Variants in PDE4D observed in about 807,000 individuals in gnomAD.
The protein encoded by PDE4D is 3',5'-cyclic-AMP phosphodiesterase 4D.
PDE4D carries 24 observed loss-of-function variants against 87.4 expected under a neutral mutation model. That is an observed-to-expected ratio of 0.27 (90% CI 0.20 to 0.39). The LOEUF (loss-of-function observed/expected upper bound fraction) is 0.39, where lower values mean the gene tolerates loss of function less well. Among genes scored for constraint, PDE4D ranks in the 10% least tolerant of loss-of-function variants. The pLI is 1.00. For missense variants in PDE4D, 714 were observed against 1,041.0 expected (o/e 0.69, Z 4.32); for synonymous variants, 384 against 383.2 (o/e 1.00, Z -0.02).
At chr5:59,157,837 T>C (rs535877899) in intron 5 of PDE4D, among the ~76,000 whole-genome samples, 1 of 152,332 alleles carries the variant, frequency 6.6e-6, no homozygotes, top group Admixed American at 6.5e-5. Context: ...ATTGGTATCA[T>C]GGAGCCAGAC....
intron 1 of PDE4D, among the ~76,000 whole-genome samples, chr5:59,888,564 T>A (rs906398240): frequency 2.0e-5 from 3 of 152,236 alleles, no homozygotes; most frequent in African/African-American, 7.2e-5. Context: ...TTGCATTTTT[T>A]GCTATTTAAA....
chr5:59,395,958 G>A lies in PDE4D; in HGVS notation c.456-179990C>T, dbSNP rs200336938. On this transcript the variant is annotated intron_variant, in intron 1 of 14. Coordinates refer to ENST00000340635, the MANE Select transcript of PDE4D (RefSeq NM_001104631.2). ...ATGCAGAAGCCTCAGGAGCTGATGCGATCAACTGGAAGAAAGGGTATCAGC... is the reference window on the plus strand; with the variant it reads ...ATGCAGAAGCCTCAGGAGCTGATGCAATCAACTGGAAGAAAGGGTATCAGC... Among the ~76,000 whole-genome samples, 116 of 107,188 alleles carry A rather than the reference G, an allele frequency of 1.1e-3. 2 individuals carry two copies. The highest frequency in any genetic ancestry group is 3.5e-3 in the South Asian group (11 of 3,128). 70.3% of individuals were successfully genotyped at this position (107,188 alleles called of 152,430 possible).
At chr5:59,677,555 T>C (rs898115605) in intron 1 of PDE4D, among the ~76,000 whole-genome samples, 2 of 152,176 alleles carry the variant, frequency 1.3e-5, no homozygotes, top group African/African-American at 2.4e-5. Flanking sequence ...CTCCAAATCA[T>C]AAGTTATAAA....
At chr5:59,179,927 G>T (rs886645053) in intron 5 of PDE4D, among the ~76,000 whole-genome samples, 14 of 152,168 alleles carry the variant, frequency 9.2e-5, no homozygotes, top group African/African-American at 3.4e-4. Context: ...TTTTGGTTCA[G>T]CTGGGGTCAA....
At chr5:60,285,616 T>C (rs561059372) in intron 1 of PDE4D, among the ~76,000 whole-genome samples, 2 of 152,266 alleles carry the variant, frequency 1.3e-5, no homozygotes, top group African/African-American at 4.8e-5. Flanking sequence ...AAATCAAAGG[T>C]TAGCAGAGGA....
At chr5:59,114,472 T>C (rs996817465) in intron 5 of PDE4D, among the ~76,000 whole-genome samples, 1 of 152,172 alleles carries the variant, frequency 6.6e-6, no homozygotes, top group African/African-American at 2.4e-5. Context: ...GGATACTCAG[T>C]TGGGAATTTC....
At chr5:60,076,015 C>T (rs74731253) in intron 2 of PDE4D, among the ~76,000 whole-genome samples, 4,309 of 152,158 alleles carry the variant, frequency 0.028, 193 homozygotes, top group African/African-American at 0.099. Flanking sequence ...TCTGTCATAT[C>T]AGCCACCTCA....
intron 1 of PDE4D, among the ~76,000 whole-genome samples, chr5:60,263,737 C>CA (rs766679851): frequency 2.6e-5 from 4 of 151,982 alleles, no homozygotes; most frequent in Non-Finnish European, 5.9e-5. Context: ...TTCCTGCTAT[C>CA]AAAAAATCAA....
At chr5:59,608,069 TC>T (rs1174451857) in intron 1 of PDE4D, among the ~76,000 whole-genome samples, 1 of 152,144 alleles carries the variant, frequency 6.6e-6, no homozygotes, top group African/African-American at 2.4e-5. Flanking sequence ...ACACATGCCT[TC>T]CCCTAATTTG....
chr5:60,312,696 AT>A (rs2149816381), intron 1 of PDE4D, among the ~76,000 whole-genome samples: 1 of 152,314 alleles, frequency 6.6e-6, no homozygotes, highest in African/African-American at 2.4e-5. Context: ...TGACGTGGGG[AT>A]TATGACAATT....
intron 1 of PDE4D, among the ~76,000 whole-genome samples, chr5:60,440,540 T>C (rs111744856): frequency 8.3e-4 from 126 of 152,196 alleles, no homozygotes; most frequent in African/African-American, 2.9e-3. Flanking sequence ...TTGAGGTTCA[T>C]TTGAAGAACT....
intron 1 of PDE4D, among the ~76,000 whole-genome samples, chr5:59,559,914 A>C (rs1199253370): frequency 6.6e-6 from 1 of 152,208 alleles, no homozygotes; most frequent in African/African-American, 2.4e-5. Flanking sequence ...TAAATGAAGA[A>C]ACATGCCACC....
chr5:59,459,080 G>A, intron 1 of PDE4D, among the ~76,000 whole-genome samples: 1 of 152,092 alleles, frequency 6.6e-6, no homozygotes, highest in Middle Eastern at 3.4e-3. Flanking sequence ...GTTTTTAATG[G>A]CCCTTTTAAC....
intron 1 of PDE4D, among the ~76,000 whole-genome samples, chr5:59,780,814 T>C (rs1764536413): frequency 6.6e-6 from 1 of 152,178 alleles, no homozygotes; most frequent in African/African-American, 2.4e-5. Flanking sequence ...GATTAAGTCA[T>C]ATTTGTCCTG....
At chr5:60,322,775 A>C (rs527948000) in intron 1 of PDE4D, among the ~76,000 whole-genome samples, 11 of 152,116 alleles carry the variant, frequency 7.2e-5, no homozygotes, top group Non-Finnish European at 1.6e-4. Context: ...TTCTCTTCTT[A>C]TAAGTTTTGT....
chr5:60,453,466 T>C (rs1425480922), intron 1 of PDE4D, among the ~76,000 whole-genome samples: 1 of 152,164 alleles, frequency 6.6e-6, no homozygotes, highest in Non-Finnish European at 1.5e-5. Flanking sequence ...AAATGTCTTA[T>C]TAGCTGTAAA....
At chr5:60,297,816 C>A (rs1753543634) in intron 1 of PDE4D, among the ~76,000 whole-genome samples, 1 of 152,100 alleles carries the variant, frequency 6.6e-6, no homozygotes, top group Non-Finnish European at 1.5e-5. Flanking sequence ...AATGTTAACA[C>A]AATATAACTT....
chr5:60,345,023 CT>C (rs869148255), intron 1 of PDE4D, among the ~76,000 whole-genome samples: 5 of 113,456 alleles, frequency 4.4e-5, no homozygotes, highest in Non-Finnish European at 9.6e-5. Context: ...AATTTTTTGT[CT>C]TTTTTTATGT....
intron 1 of PDE4D, among the ~76,000 whole-genome samples, chr5:60,254,942 T>C (rs1262160813): frequency 6.6e-6 from 1 of 151,830 alleles, no homozygotes; most frequent in African/African-American, 2.4e-5. Context: ...AATGAGAGTG[T>C]TCATTAGCAA....
Sources: gnomAD v4.1 joint callset for allele counts (sites outside exome capture counted in the v4.1 genomes callset) on GRCh38, gnomAD v4.1.1 for gene constraint, MANE v1.5 for transcripts, NCBI Gene and HGNC (gene_info 2026-07-23, HGNC 2026-07-21) for gene names.